The following SLC14A2 variants were observed in gnomAD, a reference collection of about 807,000 sequenced individuals.
SLC14A2 encodes the protein solute carrier family 14 member 2.
SLC14A2 carries 91 observed loss-of-function variants against 104.6 expected under a neutral mutation model. That is an observed-to-expected ratio of 0.87 (90% confidence interval 0.73 to 1.04). The LOEUF (loss-of-function observed/expected upper bound fraction) is 1.04. Among genes scored for constraint, SLC14A2 ranks in the 50% least tolerant of loss-of-function variants. SLC14A2 has a pLI of 0.00. For synonymous variants in SLC14A2, 476 were observed against 466.4 expected, an observed-to-expected ratio of 1.02 and a Z score of -0.27; for missense variants, 1,189 against 1,156.0, an observed-to-expected ratio of 1.03 and a Z score of -0.41.
chr18:45,542,804 A>G (rs2043910712), intron 2 of SLC14A2, among the ~76,000 whole-genome samples: 1 of 152,186 alleles, frequency 6.6e-6, no homozygotes, highest in South Asian at 2.1e-4. Flanking sequence ...ACGAGTATCC[A>G]CCATTCGCTC....
intron 4 of SLC14A2, among the ~76,000 whole-genome samples, chr18:45,629,743 A>AG (rs951958026): frequency 9.2e-5 from 14 of 152,304 alleles, no homozygotes; most frequent in Non-Finnish European, 1.5e-4. Flanking sequence ...CAGTTTTACA[A>AG]GGGGGGATGC....
intron 1 of SLC14A2, among the ~76,000 whole-genome samples, chr18:45,390,883 T>C (rs909684643): frequency 1.4e-4 from 22 of 152,224 alleles, no homozygotes; most frequent in African/African-American, 5.3e-4. Flanking sequence ...TCAGCACATT[T>C]ATTTTAATAC....
rs150759838 is a variant in SLC14A2, at chr18:45,416,218, G to C, written c.-124-67015G>C. 8.1e-5 allele frequency among the ~76,000 whole-genome samples: 12 copies of C among 149,034 alleles called. No homozygotes were observed. In the East Asian group the frequency reaches 2.4e-3, roughly 29 times the overall value. ...GGCAGCACTGTAAATTAAACCACTT[G>C]AGTTGGCTTTGTAGGTTTCCTTTTT... On this transcript the variant is annotated intron_variant, in intron 1 of 20. Coordinates refer to the SLC14A2 transcript ENST00000586448.
At chr18:45,273,589 G>A (rs2084672711) in intron 1 of SLC14A2, among the ~76,000 whole-genome samples, 1 of 152,132 alleles carries the variant, frequency 6.6e-6, no homozygotes, top group African/African-American at 2.4e-5. Context: ...GTGTGTATTT[G>A]TGGAAAGGAG....
At chr18:45,378,900 C>T (rs370886842) in intron 1 of SLC14A2, among the ~76,000 whole-genome samples, 3 of 152,098 alleles carry the variant, frequency 2.0e-5, no homozygotes, top group Middle Eastern at 3.2e-3. Flanking sequence ...CGTGAGCCAC[C>T]GCTCCTGGTC....
At chr18:45,609,002 G>A (rs2044923290) in intron 2 of SLC14A2, among the ~76,000 whole-genome samples, 1 of 152,274 alleles carries the variant, frequency 6.6e-6, no homozygotes, top group African/African-American at 2.4e-5. Flanking sequence ...GAGCCCTAGT[G>A]TTGCTTCTCA....
intron 1 of SLC14A2, among the ~76,000 whole-genome samples, chr18:45,409,146 G>A (rs2086187417): frequency 6.6e-6 from 1 of 152,196 alleles, no homozygotes; most frequent in Non-Finnish European, 1.5e-5. Flanking sequence ...TTTCTACTCT[G>A]CTGCTAGAAT....
At chr18:45,215,910 GA>G (rs1312465175) in intron 1 of SLC14A2, among the ~76,000 whole-genome samples, 3 of 152,048 alleles carry the variant, frequency 2.0e-5, no homozygotes, top group African/African-American at 7.2e-5. Flanking sequence ...GGGAAGAAAC[GA>G]AATCCATGTT....
At chr18:45,613,162 G>C (rs1187560859), upstream of SLC14A2, among the ~76,000 whole-genome samples, 1 of 152,032 alleles carries the variant, frequency 6.6e-6, no homozygotes, top group African/African-American at 2.4e-5. Context: ...AGCCTCCCGA[G>C]TAGCTGGGAC....
At chr18:45,496,848 T>G (rs1453737324) in intron 2 of SLC14A2, among the ~76,000 whole-genome samples, 1 of 152,212 alleles carries the variant, frequency 6.6e-6, no homozygotes, top group African/African-American at 2.4e-5. Flanking sequence ...TCTCCCATGC[T>G]GGAGACTTCT....
At chr18:45,388,657 G>C (rs1008665255) in intron 1 of SLC14A2, among the ~76,000 whole-genome samples, 4 of 152,042 alleles carry the variant, frequency 2.6e-5, no homozygotes, top group Non-Finnish European at 2.9e-5. Flanking sequence ...TTCCCCAAGA[G>C]AACACTTAAG....
intron 1 of SLC14A2, among the ~76,000 whole-genome samples, chr18:45,391,395 T>G (rs1598748007): frequency 6.6e-6 from 1 of 152,224 alleles, no homozygotes; most frequent in African/African-American, 2.4e-5. Context: ...TACGTATGCA[T>G]GTGTCTTTAA....
chr18:45,552,481 A>G (rs955678831), intron 2 of SLC14A2, among the ~76,000 whole-genome samples: 4 of 151,992 alleles, frequency 2.6e-5, no homozygotes, highest in Non-Finnish European at 5.9e-5. Context: ...CATTTCACAA[A>G]TACCGACTTA....
chr18:45,626,208 A>G (rs2045255314), intron 3 of SLC14A2, among the ~76,000 whole-genome samples: 1 of 151,714 alleles, frequency 6.6e-6, no homozygotes, highest in African/African-American at 2.4e-5. Context: ...CTGAATGATC[A>G]TTCCTTCACT....
intron 1 of SLC14A2, among the ~76,000 whole-genome samples, chr18:45,258,133 A>C (rs893883759): frequency 6.9e-6 from 1 of 145,452 alleles, no homozygotes; most frequent in Admixed American, 6.7e-5. Flanking sequence ...CAAGGCATAA[A>C]AGGCATAAAT....
chr18:45,571,029 C>T (rs74951270), intron 2 of SLC14A2, among the ~76,000 whole-genome samples: 8,780 of 152,204 alleles, frequency 0.058, 366 homozygotes, highest in Middle Eastern at 0.11. Flanking sequence ...GGAGAAATGA[C>T]ATGTCATTAA....
At chr18:45,641,482 G>A (rs941049760) in intron 8 of SLC14A2, 139 bp downstream of exon 8, 3 of 917,564 alleles carry the variant, frequency 3.3e-6, no homozygotes, top group African/African-American at 1.6e-5. Context: ...TAATGCCAGT[G>A]CTGCCCTTAA....
intron 10 of SLC14A2, among the ~76,000 whole-genome samples, chr18:45,654,844 C>T (rs183949965): frequency 2.4e-4 from 36 of 152,282 alleles, no homozygotes; most frequent in Admixed American, 2.2e-3. Context: ...TGAGCCTTCT[C>T]GTTATTTGTC....
intron 4 of SLC14A2, among the ~76,000 whole-genome samples, chr18:45,630,679 A>G (rs2045329340): frequency 6.6e-6 from 1 of 152,244 alleles, no homozygotes; most frequent in Non-Finnish European, 1.5e-5. Context: ...AAATGGGAAA[A>G]TGTAGAGAAA....
Sources: allele counts gnomAD v4.1 joint callset (sites outside exome capture counted in the v4.1 genomes callset), GRCh38; gene constraint gnomAD v4.1.1; transcripts MANE v1.5; gene names NCBI Gene and HGNC (gene_info 2026-07-23, HGNC 2026-07-21).